The following GFRAL variants were observed in gnomAD, a reference collection of about 807,000 sequenced individuals.
GFRAL encodes the protein GDNF family receptor alpha like, also known as GDNF family receptor alpha-like.
Under a neutral mutation model 45.4 loss-of-function variants are expected in GFRAL, and 36 were observed. That is an observed-to-expected ratio of 0.79 (90% CI 0.61 to 1.05). GFRAL has a LOEUF of 1.05. Among genes scored for constraint, GFRAL ranks in the 50% least tolerant of loss-of-function variants. The pLI is 0.00. For missense variants in GFRAL, 507 were observed against 467.5 expected, an observed-to-expected ratio of 1.08 and a Z score of -0.78; for synonymous variants, 166 against 154.1, an observed-to-expected ratio of 1.08 and a Z score of -0.57.
At chr6:55,346,396 A>C (rs1768042411) in intron 3 of GFRAL, among the ~76,000 whole-genome samples, 1 of 152,190 alleles carries the variant, frequency 6.6e-6, no homozygotes, top group Non-Finnish European at 1.5e-5. Context: ...TTGTAGGGAC[A>C]TGGATGAAGC....
At chr6:55,385,078 A>G (rs1768661953) in intron 6 of GFRAL, among the ~76,000 whole-genome samples, 1 of 152,074 alleles carries the variant, frequency 6.6e-6, no homozygotes, top group South Asian at 2.1e-4. Context: ...CTTTGAGCAC[A>G]CTACTACCTT....
chr6:55,366,616 G>T (rs1330996711), intron 6 of GFRAL, among the ~76,000 whole-genome samples: 1 of 129,446 alleles, frequency 7.7e-6, no homozygotes, highest in Non-Finnish European at 1.6e-5. Flanking sequence ...CTTTGAATGT[G>T]TCCCAGAGAT....
intron 6 of GFRAL, among the ~76,000 whole-genome samples, chr6:55,366,582 C>T (rs2127359408): frequency 7.2e-6 from 1 of 138,742 alleles, no homozygotes; most frequent in Non-Finnish European, 1.5e-5. Context: ...GCATTTAGTC[C>T]TATAAATTTC....
At chr6:55,383,682 G>T (rs1031138205) in intron 6 of GFRAL, among the ~76,000 whole-genome samples, 1 of 151,958 alleles carries the variant, frequency 6.6e-6, no homozygotes, top group African/African-American at 2.4e-5. Context: ...TTCTGGTCCT[G>T]ATCATTAAGC....
intron 1 of GFRAL, 69 bp from the exon 2 acceptor site, chr6:55,331,646 T>G (rs1415726644): frequency 1.4e-6 from 2 of 1,418,990 alleles, no homozygotes; most frequent in Non-Finnish European, 1.9e-6. Flanking sequence ...TTATCATTAA[T>G]AACTTAGATT....
intron 2 of GFRAL, among the ~76,000 whole-genome samples, chr6:55,332,939 A>C (rs1767849197): frequency 6.6e-6 from 1 of 152,098 alleles, no homozygotes; most frequent in South Asian, 2.1e-4. Flanking sequence ...TCTACAGCAT[A>C]ATCTATACAG....
At chr6:55,327,645 T>A in intron 1 of GFRAL, 69 bp downstream of exon 1, 1 of 1,436,516 alleles carries the variant, frequency 7.0e-7, no homozygotes. Flanking sequence ...CTGAATACCA[T>A]CACACTTAAG....
chr6:55,380,171 C>T (rs1163277892), intron 6 of GFRAL, among the ~76,000 whole-genome samples: 1 of 151,848 alleles, frequency 6.6e-6, no homozygotes, highest in Non-Finnish European at 1.5e-5. Flanking sequence ...TTTGGTAGTT[C>T]TAGTTTTAAT....
chr6:55,387,776 A>G (rs1336523287), intron 6 of GFRAL, among the ~76,000 whole-genome samples: 1 of 152,190 alleles, frequency 6.6e-6, no homozygotes, highest in African/African-American at 2.4e-5. Flanking sequence ...CAACATTGCA[A>G]ACATCAATAA....
chr6:55,383,667 A>G (rs1768641439), intron 6 of GFRAL, among the ~76,000 whole-genome samples: 1 of 151,996 alleles, frequency 6.6e-6, no homozygotes, highest in Non-Finnish European at 1.5e-5. Context: ...ATTTCTCAGA[A>G]TGTATTCTGG....
intron 6 of GFRAL, among the ~76,000 whole-genome samples, chr6:55,392,266 T>C (rs559748182): frequency 2.0e-5 from 3 of 152,362 alleles, no homozygotes; most frequent in African/African-American, 7.2e-5. Flanking sequence ...TACTGGAAAC[T>C]AGATCAAGAA....
chr6:55,358,702 AT>A (rs1768229105), intron 5 of GFRAL, among the ~76,000 whole-genome samples, 185 bp from the exon 6 acceptor site: 1 of 152,022 alleles, frequency 6.6e-6, no homozygotes, highest in Admixed American at 6.6e-5. Flanking sequence ...ATAATTCACA[AT>A]ATTACTCTAC....
At chr6:55,370,926 G>T (rs986558287) in intron 6 of GFRAL, among the ~76,000 whole-genome samples, 1 of 152,076 alleles carries the variant, frequency 6.6e-6, no homozygotes, top group African/African-American at 2.4e-5. Flanking sequence ...TTGCCATTTC[G>T]CATCTTCTTA....
chr6:55,348,237 AGTGTGT>A lies in GFRAL; in HGVS notation c.317-1838_317-1833del, dbSNP rs10560874. Among the ~76,000 whole-genome samples, 34 of 150,422 alleles carry A rather than the reference AGTGTGT, an allele frequency of 2.3e-4. No individual in the cohort carries two copies. The South Asian group carries it at 5.3e-3, about 23-fold the overall frequency. On this transcript the variant is annotated intron_variant, in intron 3 of 8. Transcript: ENST00000340465. ...TTAAAATATCCTCTGGGAAAAAATG[AGTGTGT>A]GTGTGTGTGTGTGTGTATGTGTAAA...
At chr6:55,340,539 G>A (rs1024107495) in intron 3 of GFRAL, among the ~76,000 whole-genome samples, 1 of 151,980 alleles carries the variant, frequency 6.6e-6, no homozygotes, top group Non-Finnish European at 1.5e-5. Context: ...AAAGTGGTTG[G>A]CAGCAGTTCC....
chr6:55,401,162 T>G (rs1768891633), intron 8 of GFRAL, among the ~76,000 whole-genome samples: 1 of 152,230 alleles, frequency 6.6e-6, no homozygotes, highest in African/African-American at 2.4e-5. Context: ...ATGTGTATTT[T>G]AAAGCAAATT....
At chr6:55,382,835 G>A (rs1768628716) in intron 6 of GFRAL, among the ~76,000 whole-genome samples, 1 of 151,846 alleles carries the variant, frequency 6.6e-6, no homozygotes, top group African/African-American at 2.4e-5. Flanking sequence ...TTCTAACTAA[G>A]AATGTTGGTA....
intron 3 of GFRAL, among the ~76,000 whole-genome samples, chr6:55,346,494 A>G (rs1768043693): frequency 6.6e-6 from 1 of 152,086 alleles, no homozygotes; most frequent in Admixed American, 6.6e-5. Context: ...TTGAACAATG[A>G]GAACACTTGG....
chr6:55,336,229 C>G (rs749464282), intron 3 of GFRAL, among the ~76,000 whole-genome samples: 1 of 152,300 alleles, frequency 6.6e-6, no homozygotes, highest in African/African-American at 2.4e-5. Context: ...CAGGTGTGAG[C>G]CACCGGGCCG....
Sources: gnomAD v4.1 joint callset for allele counts (sites outside exome capture counted in the v4.1 genomes callset) on GRCh38, gnomAD v4.1.1 for gene constraint, MANE v1.5 for transcripts, NCBI Gene and HGNC (gene_info 2026-07-23, HGNC 2026-07-21) for gene names.